The following AFF3 variants were observed in gnomAD, a reference collection of about 807,000 sequenced individuals.
AFF3 encodes ALF transcription elongation factor 3.
A neutral mutation model predicts 129.7 loss-of-function variants in AFF3; 32 were observed. That is an observed-to-expected ratio of 0.25 (90% CI 0.19 to 0.33). The LOEUF (loss-of-function observed/expected upper bound fraction) is 0.33, where lower values mean the gene tolerates loss of function less well. AFF3 is among the 10% of genes least tolerant of loss of function. The pLI, the probability that AFF3 is intolerant of heterozygous loss-of-function variation, is 1.00. For synonymous variants in AFF3, 644 were observed against 635.4 expected (o/e 1.01, Z -0.20); for missense variants, 1,373 against 1,592.0 (o/e 0.86, Z 2.34).
At chr2:99,648,438 T>C (rs1684888381) in intron 13 of AFF3, among the ~76,000 whole-genome samples, 1 of 152,330 alleles carries the variant, frequency 6.6e-6, no homozygotes, top group Admixed American at 6.5e-5. Flanking sequence ...TCTTTCCTCC[T>C]CCTACTGACA....
intron 14 of AFF3, among the ~76,000 whole-genome samples, chr2:99,598,986 C>T (rs747664259): frequency 4.6e-5 from 7 of 152,354 alleles, no homozygotes; most frequent in Middle Eastern, 3.4e-3. Flanking sequence ...GAACGTGCAG[C>T]CTGGCTAACA....
At chr2:99,556,455 A>T (rs1378857271) in intron 22 of AFF3, among the ~76,000 whole-genome samples, 1 of 152,132 alleles carries the variant, frequency 6.6e-6, no homozygotes, top group African/African-American at 2.4e-5. Flanking sequence ...AAAAAACAAC[A>T]AAAAAAGAAG....
chr2:99,679,785 T>C (rs1190727770), intron 11 of AFF3, among the ~76,000 whole-genome samples: 2 of 152,202 alleles, frequency 1.3e-5, no homozygotes, highest in Non-Finnish European at 2.9e-5. Context: ...CCCCTAGACA[T>C]TGTTTCCACA....
intron 8 of AFF3, among the ~76,000 whole-genome samples, chr2:99,790,143 A>G (rs146137240): frequency 2.0e-3 from 305 of 152,372 alleles, no homozygotes; most frequent in Non-Finnish European, 3.5e-3. Flanking sequence ...AGTGCAAGCT[A>G]ATGTTTCTTG....
At chr2:99,759,661 G>A (rs1682415363) in intron 8 of AFF3, among the ~76,000 whole-genome samples, 1 of 152,172 alleles carries the variant, frequency 6.6e-6, no homozygotes, top group Admixed American at 6.5e-5. Flanking sequence ...ATTCAGGTCT[G>A]TAAGAATTTC....
chr2:99,612,511 T>C (rs1331578552), intron 13 of AFF3, among the ~76,000 whole-genome samples: 1 of 152,166 alleles, frequency 6.6e-6, no homozygotes, highest in African/African-American at 2.4e-5. Flanking sequence ...GCTGTAAAAA[T>C]GTTAAGGATA....
chr2:99,635,004 T>C (rs546100392), intron 13 of AFF3, among the ~76,000 whole-genome samples: 938 of 84,680 alleles, frequency 0.011, 9 homozygotes, highest in East Asian at 0.035. Context: ...CACACACACA[T>C]ATGGTTGCTG....
intron 4 of AFF3, among the ~76,000 whole-genome samples, chr2:100,088,794 C>T (rs1193045932): frequency 6.6e-6 from 1 of 151,932 alleles, no homozygotes; most frequent in Non-Finnish European, 1.5e-5. Context: ...TGGAAAGTAA[C>T]GGCTACATTT....
intron 11 of AFF3, among the ~76,000 whole-genome samples, chr2:99,719,319 T>C (rs535029691): frequency 4.8e-4 from 73 of 152,294 alleles, no homozygotes; most frequent in African/African-American, 1.8e-3. Context: ...TGAATTACAT[T>C]ATTTTCATGC....
intron 7 of AFF3, among the ~76,000 whole-genome samples, chr2:100,003,972 T>G (rs958344057): frequency 1.1e-4 from 16 of 139,404 alleles, no homozygotes; most frequent in African/African-American, 4.6e-4. Flanking sequence ...AGAGATTACA[T>G]CTTACACTAA....
chr2:99,769,049 C>T (rs905631752), intron 8 of AFF3, among the ~76,000 whole-genome samples: 9 of 152,196 alleles, frequency 5.9e-5, no homozygotes, highest in Non-Finnish European at 8.8e-5. Context: ...CTCTAGGTTC[C>T]GTTATTATAC....
At chr2:99,734,943 T>C (rs62150078) in intron 10 of AFF3, among the ~76,000 whole-genome samples, 87 of 152,296 alleles carry the variant, frequency 5.7e-4, no homozygotes, top group Non-Finnish European at 9.7e-4. Context: ...GGTTTGGAAT[T>C]ACCTCTTCCT....
intron 7 of AFF3, among the ~76,000 whole-genome samples, chr2:99,874,355 T>C (rs2105979015): frequency 6.6e-6 from 1 of 152,284 alleles, no homozygotes; most frequent in Non-Finnish European, 1.5e-5. Context: ...TCTCAAAATA[T>C]TGTGACACCA....
At chr2:99,636,135 T>G (rs1156877345) in intron 13 of AFF3, among the ~76,000 whole-genome samples, 1 of 152,124 alleles carries the variant, frequency 6.6e-6, no homozygotes, top group Non-Finnish European at 1.5e-5. Context: ...TTGCATTGGG[T>G]CCATGGTTAT....
intron 7 of AFF3, among the ~76,000 whole-genome samples, chr2:99,983,523 C>T (rs922846961): frequency 6.6e-6 from 1 of 152,186 alleles, no homozygotes; most frequent in African/African-American, 2.4e-5. Context: ...TCTCTGCTAA[C>T]CAGGCAGCGA....
intron 11 of AFF3, among the ~76,000 whole-genome samples, chr2:99,711,337 C>T (rs1294846459): frequency 1.3e-5 from 2 of 152,098 alleles, no homozygotes; most frequent in African/African-American, 4.8e-5. Context: ...TTTTTCTCTT[C>T]TGTAATATGA....
At chr2:99,837,389 G>T in intron 8 of AFF3, 88 bp downstream of exon 8, 1 of 1,268,312 alleles carries the variant, frequency 7.9e-7, no homozygotes. Flanking sequence ...ACAGACTATG[G>T]GCTCCTTTAT....
intron 7 of AFF3, among the ~76,000 whole-genome samples, chr2:99,844,086 C>T (rs1327377648): frequency 6.6e-6 from 1 of 151,998 alleles, no homozygotes; most frequent in Non-Finnish European, 1.5e-5. Context: ...AAATAAAAAA[C>T]TTCTGCGTTT....
chr2:99,838,426 T>C (rs991545672), intron 7 of AFF3, among the ~76,000 whole-genome samples: 1 of 152,214 alleles, frequency 6.6e-6, no homozygotes, highest in Non-Finnish European at 1.5e-5. Flanking sequence ...CACTGTTCTC[T>C]CTCTACCAAG....
Sources: gnomAD v4.1 joint callset for allele counts (sites outside exome capture counted in the v4.1 genomes callset) on GRCh38, gnomAD v4.1.1 for gene constraint, MANE v1.5 for transcripts, NCBI Gene and HGNC (gene_info 2026-07-23, HGNC 2026-07-21) for gene names.